Variants in SPTB observed in about 807,000 individuals in gnomAD.
SPTB encodes spectrin beta chain, erythrocytic.
A neutral mutation model predicts 256.2 loss-of-function variants in SPTB; 45 were observed. That is an observed-to-expected ratio of 0.18 (90% CI 0.14 to 0.23). The LOEUF (loss-of-function observed/expected upper bound fraction) is 0.23, where lower values mean the gene tolerates loss of function less well. SPTB is among the 10% of genes least tolerant of loss of function. The probability of loss-of-function intolerance (pLI) is 1.00; values close to 1 mark genes in which losing one functional copy is unlikely to be tolerated. For missense variants in SPTB, 2,715 were observed against 3,040.4 expected (o/e 0.89, Z 2.52); for synonymous variants, 1,231 against 1,243.1 (o/e 0.99, Z 0.21).
At chr14:64,765,870 T>A (rs939357119) in intron 32 of SPTB, among the ~76,000 whole-genome samples, 1 of 145,838 alleles carries the variant, frequency 6.9e-6, no homozygotes, top group African/African-American at 2.6e-5. Context: ...TGTGTGTGTG[T>A]GTGTGGAGGT....
At position 64,787,012 on chromosome 14, in the gene SPTB, G is replaced by T. The variant is rs371628390; in HGVS notation, c.2953C>A (p.Arg985=). Residue 985 remains arginine, a synonymous_variant, in exon 16 of 36, where the codon CGG becomes AGG. Transcript: ENST00000644917. ...ATGGCGATGATACCTGCCAGGTCCCGCCCCAGGTCTTTTGTGGACTCCACT... is the reference window on the plus strand; with the variant it reads ...ATGGCGATGATACCTGCCAGGTCCCTCCCCAGGTCTTTTGTGGACTCCACT... The part of the protein sequence containing the change: ...KVVESTKDLG[R]DLAGIIAIQR... The T allele has an allele frequency of 6.2e-7, 1 of 1,614,040 alleles. No individual in the cohort carries two copies. The highest frequency in any genetic ancestry group is 8.5e-7 in the Non-Finnish European group (1 of 1,180,012).
rs1466306972 is a variant in SPTB at position 64,790,931 on chromosome 14, G to T, written c.2804+788C>A. On this transcript the variant is annotated intron_variant, in intron 15 of 35. Transcript: ENST00000644917. This position sits in a 1 kb window ranked among gnomAD's most constrained non-coding sequence, Gnocchi z 4.8. ...CCACAAAGCTTGCTTAAGGCTCCCT[G>T]CTAATTCTCCTCTTCCTTCAAGCCA... 6.6e-6 allele frequency among the ~76,000 whole-genome samples: 1 copy of T among 152,182 alleles called. No homozygotes were observed. Among genetic ancestry groups the T allele is most frequent in the Non-Finnish European group, 1.5e-5 (1 of 68,026 alleles).
chr14:64,864,170 G>C (rs1351627884), intron 1 of SPTB, among the ~76,000 whole-genome samples: 2 of 152,180 alleles, frequency 1.3e-5, no homozygotes, highest in Non-Finnish European at 2.9e-5. Flanking sequence ...GAATGAAATA[G>C]GTCAGGCCAG....
intron 1 of SPTB, among the ~76,000 whole-genome samples, chr14:64,836,428 A>G (rs1262721164): frequency 6.6e-6 from 1 of 152,200 alleles, no homozygotes; most frequent in Non-Finnish European, 1.5e-5. Context: ...AGATTGCCCC[A>G]GGGTATTATT....
At chr14:64,871,512 G>C (rs1882532546) in intron 1 of SPTB, among the ~76,000 whole-genome samples, 1 of 152,206 alleles carries the variant, frequency 6.6e-6, no homozygotes, top group Non-Finnish European at 1.5e-5. Context: ...GTGTGGGATG[G>C]TTTGGAGAGG....
intron 1 of SPTB, among the ~76,000 whole-genome samples, chr14:64,876,205 G>A (rs1460035596): frequency 6.6e-6 from 1 of 152,118 alleles, no homozygotes; most frequent in Non-Finnish European, 1.5e-5. Context: ...GCAGTGGCGC[G>A]ATGTCGGTTC....
Position 64,772,656 on chromosome 14 carries a change from A to G in SPTB, c.5477T>C (p.Leu1826Pro), listed in dbSNP as rs2082295136. The stretch of plus-strand genomic sequence containing the variant: ...GAAGGACTCGGCCGTGCTGGCGTCC[A>G]GCCCCACGTCCTCGGGCAGCTCGCG... The part of the protein sequence containing the change: ...KHRELPEDVG[L>P]DASTAESFHR... The change falls in exon 26 of 36, where the codon CTG (leucine) becomes CCG (proline). Residue 1826 changes from leucine to proline, a missense_variant. This residue lies in a region of SPTB where 2,239 missense variants were observed against 2,384.4 expected (regional missense o/e 0.94). Coordinates refer to ENST00000644917, the MANE Select transcript of SPTB (RefSeq NM_001355436.2). This position sits in a 1 kb window ranked among gnomAD's most constrained non-coding sequence, Gnocchi z 5.4. 1 of 1,613,310 alleles carries G rather than the reference A, an allele frequency of 6.2e-7. No individual in the cohort carries two copies. Among genetic ancestry groups the G allele is most frequent in the Non-Finnish European group, 8.5e-7 (1 of 1,179,816 alleles).
intron 2 of SPTB, among the ~76,000 whole-genome samples, chr14:64,805,767 C>G (rs1390452302): frequency 4.6e-5 from 7 of 152,170 alleles, no homozygotes; most frequent in Admixed American, 3.9e-4. Flanking sequence ...TGAGGACACA[C>G]AGAGGTAAAA....
rs748486450 is a variant in SPTB at position 64,827,807 on chromosome 14, T to C, written c.-51-4662A>G. Reference sequence around the variant, plus strand: ...CATCTGCCTACCAGACATTTCCACCTAGAAATTACAGCTCAGTCTCAATAT... The same window carrying C: ...CATCTGCCTACCAGACATTTCCACCCAGAAATTACAGCTCAGTCTCAATAT... On this transcript the variant is annotated intron_variant, in intron 1 of 35. Coordinates refer to ENST00000644917, the MANE Select transcript of SPTB (RefSeq NM_001355436.2). This position sits in a 1 kb window ranked among gnomAD's most constrained non-coding sequence, Gnocchi z 4.6. Among the ~76,000 whole-genome samples, 1 of 152,146 alleles carries C rather than the reference T, an allele frequency of 6.6e-6. No homozygotes were observed. The highest frequency in any genetic ancestry group is 1.5e-5 in the Non-Finnish European group (1 of 68,024).
intron 15 of SPTB, among the ~76,000 whole-genome samples, chr14:64,788,172 C>T (rs2082606995): frequency 6.6e-6 from 1 of 152,182 alleles, no homozygotes; most frequent in Admixed American, 6.5e-5. Flanking sequence ...GTGACAGTTG[C>T]TCACGTGACC....
At position 64,852,180 on chromosome 14, in the gene SPTB, G is replaced by A. The variant is rs2083799075; in HGVS notation, c.-52+27612C>T. Among the ~76,000 whole-genome samples the A allele has an allele frequency of 6.6e-6, 1 of 152,168 alleles. No homozygotes were observed. The highest frequency in any genetic ancestry group is 1.5e-5 in the Non-Finnish European group (1 of 68,024). ...CCTTCTGCAAGGGTGGACGATGAGT[G>A]GGGATCAGAGCTGAGCCTTTGGGAG... is the stretch of plus-strand genomic sequence containing the variant. On this transcript the variant is annotated intron_variant, in intron 1 of 35. Transcript: ENST00000644917. The surrounding 1 kb of genome is among the most constrained non-coding windows in gnomAD (Gnocchi z 4.2).
intron 13 of SPTB, among the ~76,000 whole-genome samples, 183 bp downstream of exon 13, chr14:64,794,284 A>C (rs2139598321): frequency 6.6e-6 from 1 of 152,330 alleles, no homozygotes; most frequent in Non-Finnish European, 1.5e-5. Flanking sequence ...TAGGTTACCG[A>C]AGCAGTTGCC....
chr14:64,763,633 C>CCT, intron 32 of SPTB: 1 of 475,116 alleles, frequency 2.1e-6, no homozygotes, highest in Non-Finnish European at 4.3e-6. Context: ...GTTTTTATCT[C>CCT]AAATCACGCA....
rs1435199461 is a variant in SPTB, at chr14:64,753,720, T to G, written c.6419A>C (p.Lys2140Thr). The G allele has an allele frequency of 2.5e-6, 4 of 1,613,842 alleles. No homozygotes were observed. The highest frequency in any genetic ancestry group is 3.4e-6 in the Non-Finnish European group (4 of 1,180,024). Residue 2140 changes from lysine (K) to threonine (T), a missense_variant, in exon 33 of 36, where the codon AAA (lysine) becomes ACA (threonine). By Grantham distance (78) the Lys-to-Thr change is moderately conservative. Coordinates refer to ENST00000644917, the MANE Select transcript of SPTB (RefSeq NM_001355436.2). ...PPPGQHKDGQ[K>T]STGDERPTTE... ...GGTGGGCCTCTCATCCCCAGTGGATTTCTGCCCATCCTTGTGCTGACCCGG... is the reference window on the plus strand; with the variant it reads ...GGTGGGCCTCTCATCCCCAGTGGATGTCTGCCCATCCTTGTGCTGACCCGG...
At position 64,825,452 on chromosome 14, in the gene SPTB, C is replaced by A. The variant is rs1374559598; in HGVS notation, c.-51-2307G>T. ...CGATAGCCGGGAAAGATACCCCCCA[C>A]CCCCGGCCCCACACCTTTCTCTATT... On this transcript the variant is annotated intron_variant, in intron 1 of 35. Transcript: ENST00000644917. This position sits in a 1 kb window ranked among gnomAD's most constrained non-coding sequence, Gnocchi z 4.8. Among the ~76,000 whole-genome samples the A allele has an allele frequency of 6.8e-6, 1 of 146,192 alleles. No individual in the cohort carries two copies. The highest frequency in any genetic ancestry group is 1.5e-5 in the Non-Finnish European group (1 of 65,542).
chr14:64,802,899 C>G lies in SPTB; in HGVS notation c.475-582G>C, dbSNP rs569519246. On this transcript the variant is annotated intron_variant, in intron 4 of 35. Transcript: ENST00000644917. The surrounding 1 kb of genome is among the most constrained non-coding windows in gnomAD (Gnocchi z 5.1). Reference sequence around the variant, plus strand: ...TCTGGAGGTGCAATGCCCCTTGAGGCTGTGGAACAACATGAATGCTGATGA... The same window carrying G: ...TCTGGAGGTGCAATGCCCCTTGAGGGTGTGGAACAACATGAATGCTGATGA... Among the ~76,000 whole-genome samples, 30 of 152,322 alleles carry G rather than the reference C, an allele frequency of 2.0e-4. No homozygotes were observed. The South Asian group carries it at 6.0e-3, about 31-fold the overall frequency.
At chr14:64,810,775 C>G (rs1217946208) in intron 2 of SPTB, among the ~76,000 whole-genome samples, 2 of 152,036 alleles carry the variant, frequency 1.3e-5, no homozygotes, top group African/African-American at 4.8e-5. Context: ...GACACAAAAT[C>G]CAAAAGCTAT....
chr14:64,809,986 G>A (rs1282469878), intron 2 of SPTB, among the ~76,000 whole-genome samples: 1 of 151,958 alleles, frequency 6.6e-6, no homozygotes, highest in Non-Finnish European at 1.5e-5. Context: ...TATACAATTT[G>A]AATTTGTGGG....
Position 64,865,646 on chromosome 14 carries a change from A to G in SPTB, c.-52+14146T>C, listed in dbSNP as rs369295946. ...CATGCACCCACTGGGCTCACCAGCG[A>G]CCATGGTAAGAAGGGCCTGGCTAGC... On this transcript the variant is annotated intron_variant, in intron 1 of 35. Transcript: ENST00000644917. Among the ~76,000 whole-genome samples, 180 of 152,282 alleles carry G rather than the reference A, an allele frequency of 1.2e-3. 6 individuals are homozygous for G. In the South Asian group the frequency reaches 0.036, roughly 30 times the overall value.
Sources: gnomAD v4.1 joint callset for allele counts (sites outside exome capture counted in the v4.1 genomes callset) on GRCh38, gnomAD v4.1.1 for gene constraint, gnomAD v4.1.1 regional missense constraint, Gnocchi (gnomAD v3.1) non-coding constraint, MANE v1.5 for transcripts, NCBI Gene and HGNC (gene_info 2026-07-23, HGNC 2026-07-21) for gene names.